The following FRAS1 variants were observed in gnomAD, a reference collection of about 807,000 sequenced individuals.
The protein encoded by FRAS1 is Fraser extracellular matrix complex subunit 1, also known as extracellular matrix organizing protein FRAS1.
In FRAS1, 290 loss-of-function variants were observed where a neutral mutation model predicts 435.2. The observed-to-expected ratio is 0.67, with a 90% CI of 0.61 to 0.73. The LOEUF is 0.73. FRAS1 is among the 30% of genes least tolerant of loss of function. The pLI, the probability that FRAS1 is intolerant of heterozygous loss-of-function variation, is 0.00. For synonymous variants in FRAS1, 1,800 were observed against 1,851.0 expected, an observed-to-expected ratio of 0.97 and a Z score of 0.71; for missense variants, 4,860 against 5,001.5, an observed-to-expected ratio of 0.97 and a Z score of 0.85.
At chr4:78,258,453 A>T (rs1725898919) in intron 6 of FRAS1, among the ~76,000 whole-genome samples, 1 of 151,524 alleles carries the variant, frequency 6.6e-6, no homozygotes, top group Non-Finnish European at 1.5e-5. Flanking sequence ...AATTGGGGGT[A>T]TCTAAAATTT....
rs1266528912 is a variant in FRAS1 at position 78,452,302 on chromosome 4, C to T, written c.6711C>T (p.Tyr2237=). ...DQDSGPTELI[Y]RITRQPQLGH... ...ACAGTGGGCCTACAGAATTGATCTA[C>T]AGAATCACCAGACAGCCCCAGCTGG... Residue 2237 remains tyrosine, a synonymous_variant, in exon 47 of 74, where the codon TAC becomes TAT. Transcript: ENST00000512123. 4 of 1,612,338 alleles carry T rather than the reference C, an allele frequency of 2.5e-6. No individual in the cohort carries two copies. Among genetic ancestry groups the T allele is most frequent in the Non-Finnish European group, 3.4e-6 (4 of 1,179,506 alleles).
intron 32 of FRAS1, among the ~76,000 whole-genome samples, chr4:78,418,503 A>T (rs139588418): frequency 1.1e-3 from 173 of 152,284 alleles, no homozygotes; most frequent in African/African-American, 4.0e-3. Context: ...GTGAGCTATG[A>T]CCACTGCACT....
chr4:78,312,859 A>AAG (rs61199249), intron 15 of FRAS1, among the ~76,000 whole-genome samples: 87 of 121,800 alleles, frequency 7.1e-4, no homozygotes, highest in Middle Eastern at 4.2e-3. Flanking sequence ...GAAAGAAAGA[A>AAG]AGAGAGAGAG....
intron 2 of FRAS1, among the ~76,000 whole-genome samples, chr4:78,088,284 G>A (rs1741308624): frequency 1.3e-5 from 2 of 152,062 alleles, no homozygotes; most frequent in Non-Finnish European, 2.9e-5. Context: ...AATTCAAGAT[G>A]GATTAAAGAC....
intron 63 of FRAS1, among the ~76,000 whole-genome samples, chr4:78,510,292 C>T (rs28449192): frequency 0.32 from 47,955 of 151,784 alleles, 8,094 homozygotes; most frequent in South Asian, 0.52. Context: ...TGACTAATAC[C>T]CTTTACCCTG....
chr4:78,116,075 A>T (rs572916051), intron 2 of FRAS1, among the ~76,000 whole-genome samples: 4 of 152,080 alleles, frequency 2.6e-5, no homozygotes, highest in African/African-American at 9.7e-5. Context: ...TTCTGCCTTC[A>T]TTTCATTATG....
At chr4:78,508,585 G>A (rs1052640107) in intron 62 of FRAS1, 146 bp from the exon 63 acceptor site, 2 of 789,220 alleles carry the variant, frequency 2.5e-6, no homozygotes, top group Admixed American at 6.0e-5. Flanking sequence ...AAGGATGCCT[G>A]GCAAAGAATT....
intron 55 of FRAS1, 68 bp downstream of exon 55, chr4:78,478,129 G>A: frequency 6.8e-7 from 1 of 1,462,562 alleles, no homozygotes; most frequent in Non-Finnish European, 9.2e-7. Context: ...CCTATTATGT[G>A]CTAAGCACTC....
intron 2 of FRAS1, among the ~76,000 whole-genome samples, chr4:78,158,546 G>GA (rs891282211): frequency 3.3e-5 from 5 of 151,648 alleles, no homozygotes; most frequent in Admixed American, 2.0e-4. Flanking sequence ...GATATATGCT[G>GA]AAAAAAAAGA....
chr4:78,222,077 C>G (rs1370457532), intron 2 of FRAS1, among the ~76,000 whole-genome samples: 3 of 152,010 alleles, frequency 2.0e-5, no homozygotes, highest in Admixed American at 6.6e-5. Flanking sequence ...AGCTCTGCCC[C>G]CCTGGAGCTC....
intron 37 of FRAS1, among the ~76,000 whole-genome samples, chr4:78,431,037 T>C (rs924825908): frequency 7.9e-5 from 12 of 152,320 alleles, no homozygotes; most frequent in East Asian, 3.9e-4. Context: ...CCCTTATTCA[T>C]TGAAGTGAAT....
intron 2 of FRAS1, among the ~76,000 whole-genome samples, chr4:78,137,800 C>T (rs990712725): frequency 6.6e-6 from 1 of 152,184 alleles, no homozygotes; most frequent in Non-Finnish European, 1.5e-5. Flanking sequence ...TCTGTGTCAC[C>T]TTGGACACAT....
chr4:78,347,779 G>A (rs1405499481), intron 20 of FRAS1, among the ~76,000 whole-genome samples: 8 of 93,110 alleles, frequency 8.6e-5, no homozygotes, highest in African/African-American at 4.4e-4. Flanking sequence ...GTGTGCGTGT[G>A]TGTGTGTGTT....
chr4:78,414,107 A>G (rs1733460117), intron 32 of FRAS1, among the ~76,000 whole-genome samples: 1 of 152,230 alleles, frequency 6.6e-6, no homozygotes, highest in Non-Finnish European at 1.5e-5. Context: ...AGGGGAAAAT[A>G]GAAAGTTTTT....
At chr4:78,244,690 G>A (rs532625193) in intron 3 of FRAS1, among the ~76,000 whole-genome samples, 45 of 152,258 alleles carry the variant, frequency 3.0e-4, no homozygotes, top group African/African-American at 1.1e-3. Context: ...CTTTACTAGA[G>A]CTTAGGAATT....
At chr4:78,164,976 G>C (rs1312083385) in intron 2 of FRAS1, among the ~76,000 whole-genome samples, 1 of 152,074 alleles carries the variant, frequency 6.6e-6, no homozygotes, top group African/African-American at 2.4e-5. Flanking sequence ...AAAATTTCAT[G>C]GTTTTTGCCC....
intron 59 of FRAS1, 41 bp downstream of exon 59, chr4:78,489,121 T>C: frequency 1.3e-6 from 2 of 1,542,772 alleles, no homozygotes; most frequent in South Asian, 1.2e-5. Context: ...GATTCTCTTA[T>C]TGTCTTTATT....
intron 2 of FRAS1, among the ~76,000 whole-genome samples, chr4:78,154,239 A>T (rs1327095543): frequency 2.0e-5 from 3 of 152,120 alleles, no homozygotes; most frequent in Non-Finnish European, 2.9e-5. Context: ...TGTTTCATGG[A>T]CACACACAGG....
chr4:78,231,495 T>C (rs1207639965), intron 2 of FRAS1, among the ~76,000 whole-genome samples: 1 of 152,068 alleles, frequency 6.6e-6, no homozygotes, highest in African/African-American at 2.4e-5. Flanking sequence ...TACTGTTTTG[T>C]AACTTGAAAA....
Sources: gnomAD v4.1 joint callset for allele counts (sites outside exome capture counted in the v4.1 genomes callset) on GRCh38, gnomAD v4.1.1 for gene constraint, MANE v1.5 for transcripts, NCBI Gene and HGNC (gene_info 2026-07-23, HGNC 2026-07-21) for gene names.